Variants in QRICH2 observed in about 807,000 individuals in gnomAD.
QRICH2 encodes the protein glutamine rich 2.
In QRICH2, 119 loss-of-function variants were observed where a neutral mutation model predicts 168.3. The observed-to-expected ratio is 0.71, with a 90% confidence interval of 0.61 to 0.82. The LOEUF is 0.82. Ranked by LOEUF, QRICH2 falls within the 40% of genes least tolerant of loss-of-function variation. The pLI is 0.00. For missense variants in QRICH2, 2,241 were observed against 2,491.6 expected, an observed-to-expected ratio of 0.90 and a Z score of 2.14; for synonymous variants, 894 against 951.2, an observed-to-expected ratio of 0.94 and a Z score of 1.11.
At chr17:76,274,977 G>A (rs1023663492) in intron 18 of QRICH2, among the ~76,000 whole-genome samples, 5 of 152,174 alleles carry the variant, frequency 3.3e-5, no homozygotes, top group Admixed American at 2.6e-4. Context: ...GAGGAGCCAT[G>A]AGCACCGCAG....
At chr17:76,275,756 G>T in intron 18 of QRICH2, 63 bp downstream of exon 18, 1 of 1,574,506 alleles carries the variant, frequency 6.4e-7, no homozygotes, top group Admixed American at 1.7e-5. Context: ...ACATGAGCAG[G>T]AAAGGGGGCC....
Position 76,292,418 on chromosome 17 carries a change from C to T in QRICH2, c.2309G>A (p.Gly770Asp), listed in dbSNP as rs150314480. 1.2e-5 allele frequency: 20 copies of T among 1,611,638 alleles called. No individual in the cohort carries two copies. The African/African-American group carries it at 2.0e-4, about 16-fold the overall frequency. ...GLVQPGADQH[G>D]LVQPGVDQHG... Reference sequence around the variant, plus strand: ...CTGATCCACTCCAGGTTGGACCAAACCATGCTGATCTGCACCAGGTTGGAC... The same window carrying T: ...CTGATCCACTCCAGGTTGGACCAAATCATGCTGATCTGCACCAGGTTGGAC... The change falls in exon 4 of 19, where the codon GGT (glycine) becomes GAT (aspartate). Residue 770 changes from glycine to aspartate, a missense_variant. Physicochemically the swap from Gly to Asp is moderately conservative, Grantham distance 94. Around this residue, in one of 3 missense-constraint regions of QRICH2, gnomAD observed 2,047 missense variants for 2,303.8 expected, o/e 0.89. Transcript: ENST00000680821.
chr17:76,296,625 A>G (rs749563321), intron 3 of QRICH2, among the ~76,000 whole-genome samples: 5 of 152,048 alleles, frequency 3.3e-5, no homozygotes, highest in Admixed American at 6.6e-5. Context: ...TAAAAATACA[A>G]AAGTTAGCCA....
In QRICH2 at chr17:76,279,986, C is replaced by T. The variant is rs164010; in HGVS notation, c.4748+47G>A. 0.41 allele frequency: 628,843 copies of T among 1,543,382 alleles called. 131,091 individuals carry two copies. The highest frequency in any genetic ancestry group is 0.61 in the East Asian group (26,931 of 44,094). ...AGACCCCCAGCCCCCTCTGCCCTCA[C>T]CCCCTGAAGAGCGTGCCAGCCTCCT... is the stretch of plus-strand genomic sequence containing the variant. On this transcript the variant is annotated intron_variant, in intron 12 of 18. Transcript: ENST00000680821.
At chr17:76,301,703 A>ATTTTTTTTTTTTTTTT (rs370779519) in intron 3 of QRICH2, among the ~76,000 whole-genome samples, 4 of 121,784 alleles carry the variant, frequency 3.3e-5, no homozygotes, top group African/African-American at 3.4e-5. Flanking sequence ...GTGTTTTATA[A>ATTTTTTTTTTTTTTTT]TTTTTTTTTT....
Position 76,289,979 on chromosome 17 carries a change from G to C in QRICH2, c.3798+13C>G, listed in dbSNP as rs765387837. 32 of 1,543,004 alleles carry C rather than the reference G, an allele frequency of 2.1e-5. No individual in the cohort carries two copies. The highest frequency in any genetic ancestry group is 2.1e-5 in the Non-Finnish European group (24 of 1,124,592). ...AAAAAAAAAAAAGACAAAGTGGGTTGACTCTTCCTTACTTTTGCTTTCTCC... is the reference window on the plus strand; with the variant it reads ...AAAAAAAAAAAAGACAAAGTGGGTTCACTCTTCCTTACTTTTGCTTTCTCC... On this transcript the variant is annotated intron_variant, in intron 5 of 18. Coordinates refer to ENST00000680821, the MANE Select transcript of QRICH2 (RefSeq NM_001388453.1).
intron 5 of QRICH2, among the ~76,000 whole-genome samples, chr17:76,288,670 A>G (rs572803202): frequency 6.6e-6 from 1 of 151,872 alleles, no homozygotes; most frequent in Non-Finnish European, 1.5e-5. Flanking sequence ...GCATCATTGC[A>G]CTCTAGCCTG....
At position 76,280,310 on chromosome 17, in the gene QRICH2, G is replaced by A; in HGVS notation, c.4603C>T (p.Leu1535=). Residue 1535 remains leucine (L), a synonymous_variant, in exon 11 of 19, where the codon CTG becomes TTG. Transcript: ENST00000680821. This position sits in a 1 kb window ranked among gnomAD's most constrained non-coding sequence, Gnocchi z 7.4. ...EQDWQKMLDR[L]LTEMDNKLDR... The stretch of plus-strand genomic sequence containing the variant: ...ACCTTGTTGTCCATCTCTGTGAGCA[G>A]CCTGTCCAGCATCTTCTGCCAGTCC... 1 of 1,614,206 alleles carries A rather than the reference G, an allele frequency of 6.2e-7. No individual in the cohort carries two copies. The highest frequency in any genetic ancestry group is 8.5e-7 in the Non-Finnish European group (1 of 1,180,028).
chr17:76,282,178 TGCTGG>T, intron 7 of QRICH2, 63 bp from the exon 8 acceptor site: 1 of 1,527,162 alleles, frequency 6.5e-7, no homozygotes. Context: ...GCTCTGCCCA[TGCTGG>T]CACTGCCCCT....
At chr17:76,300,052 G>C (rs911389233) in intron 3 of QRICH2, among the ~76,000 whole-genome samples, 1 of 151,904 alleles carries the variant, frequency 6.6e-6, no homozygotes, top group Non-Finnish European at 1.5e-5. Context: ...GGATGGTCTC[G>C]ATCTCTTGAC....
intron 1 of QRICH2, among the ~76,000 whole-genome samples, chr17:76,306,186 A>C (rs1322054187): frequency 2.0e-5 from 3 of 150,792 alleles, no homozygotes; most frequent in African/African-American, 4.9e-5. Context: ...AAAAAAAAAA[A>C]AAAAAAACCC....
chr17:76,288,817 G>A (rs2070937004), intron 5 of QRICH2, among the ~76,000 whole-genome samples: 1 of 151,040 alleles, frequency 6.6e-6, no homozygotes, highest in Non-Finnish European at 1.5e-5. Context: ...ATAATGAAAA[G>A]AGCAAGGCCG....
chr17:76,306,777 C>T (rs1199425562), intron 1 of QRICH2, among the ~76,000 whole-genome samples: 1 of 151,986 alleles, frequency 6.6e-6, no homozygotes, highest in Admixed American at 6.6e-5. Flanking sequence ...ATCCCAGCTA[C>T]TCGGGAGGCT....
intron 3 of QRICH2, among the ~76,000 whole-genome samples, chr17:76,297,582 T>C (rs2070817406): frequency 6.6e-6 from 1 of 152,010 alleles, no homozygotes; most frequent in Non-Finnish European, 1.5e-5. Flanking sequence ...TGATCAAAGA[T>C]TGCCAGGCAT....
chr17:76,289,702 T>C (rs4789272), intron 5 of QRICH2, among the ~76,000 whole-genome samples: 80,256 of 151,684 alleles, frequency 0.53, 23,340 homozygotes, highest in African/African-American at 0.78. Context: ...CTTTGGGAGG[T>C]CAAGGTAGGC....
chr17:76,291,741 C>G lies in QRICH2; in HGVS notation c.2986G>C (p.Ala996Pro), dbSNP rs1431340790. 6.2e-7 allele frequency: 1 copy of G among 1,614,140 alleles called. No individual in the cohort carries two copies. The highest frequency in any genetic ancestry group is 8.5e-7 in the Non-Finnish European group (1 of 1,180,030). ...TKLRGSSTFQ[A>P]DSTGFISVRP... The stretch of plus-strand genomic sequence containing the variant: ...ACTGATATAAAACCTGTAGAATCTG[C>G]CTGGAATGTTGAAGAGCCACGAAGC... The change falls in exon 4 of 19, where the codon GCA (alanine) becomes CCA (proline). Residue 996 changes from alanine (A) to proline (P), a missense_variant. Around this residue, in one of 3 missense-constraint regions of QRICH2, gnomAD observed 2,047 missense variants for 2,303.8 expected, o/e 0.89. Transcript: ENST00000680821.
In QRICH2 at chr17:76,279,956, T is replaced by G. The variant is rs1259059778; in HGVS notation, c.4748+77A>C. On this transcript the variant is annotated intron_variant, in intron 12 of 18. Transcript: ENST00000680821. ...GCTGTGTGCTGGCAGGAGCTGTTTG[T>G]CTGGAGACCCCCAGCCCCCTCTGCC... The G allele has an allele frequency of 2.7e-6, 4 of 1,492,818 alleles. No individual in the cohort carries two copies. The African/African-American group carries it at 4.2e-5, about 16-fold the overall frequency. The allele number at this position is 1,492,818 out of a possible 1,614,324, so 92.5% of individuals were successfully genotyped here.
rs1009506252 is a variant in QRICH2 at position 76,281,517 on chromosome 17, G to A, written c.4263+347C>T. ...CCCTTTCTAGGGAAATTGAGAAGGG[G>A]TTGGAAGACTCGCGTGCCAGGGAGT... On this transcript the variant is annotated intron_variant, in intron 8 of 18. Coordinates refer to ENST00000680821, the MANE Select transcript of QRICH2 (RefSeq NM_001388453.1). The surrounding 1 kb of genome is among the most constrained non-coding windows in gnomAD (Gnocchi z 4.4). 6.6e-6 allele frequency among the ~76,000 whole-genome samples: 1 copy of A among 152,338 alleles called. No individual in the cohort carries two copies. The highest frequency in any genetic ancestry group is 2.4e-5 in the African/African-American group (1 of 41,580).
chr17:76,278,069 G>A lies in QRICH2; in HGVS notation c.5037C>T (p.Phe1679=), dbSNP rs202209465. The change falls in exon 15 of 19, where the codon TTC becomes TTT. Residue 1679 remains phenylalanine, a synonymous_variant. Transcript: ENST00000680821. The part of the protein sequence containing the change: ...LMNIEKVQIH[F]GGSTKASSQI... ...GGCTGCTGGCCTTGGTGGAGCCCCC[G>A]AAGTGGATCTGCACCTTCTCAATGT... 6.7e-5 allele frequency: 108 copies of A among 1,613,898 alleles called. No homozygotes were observed. Among genetic ancestry groups the A allele is most frequent in the South Asian group, 8.8e-5 (8 of 91,090 alleles).
Sources: gnomAD v4.1 joint callset for allele counts (sites outside exome capture counted in the v4.1 genomes callset) on GRCh38, gnomAD v4.1.1 for gene constraint, gnomAD v4.1.1 regional missense constraint, Gnocchi (gnomAD v3.1) non-coding constraint, MANE v1.5 for transcripts, NCBI Gene and HGNC (gene_info 2026-07-23, HGNC 2026-07-21) for gene names.